EPB41: variants seen among roughly 807,000 people sequenced by gnomAD.
EPB41 encodes the protein erythrocyte membrane protein band 4.1, also known as protein 4.1.
A neutral mutation model predicts 108.0 loss-of-function variants in EPB41; 65 were observed. The ratio of observed to expected loss-of-function variants is 0.60; its 90% CI spans 0.49 to 0.74. The LOEUF is 0.74. EPB41 is among the 30% of genes least tolerant of loss of function. The pLI, the probability that EPB41 is intolerant of heterozygous loss-of-function variation, is 0.00. For synonymous variants in EPB41, 336 were observed against 358.9 expected, an observed-to-expected ratio of 0.94 and a Z score of 0.72; for missense variants, 875 against 1,037.0, an observed-to-expected ratio of 0.84 and a Z score of 2.15.
intron 1 of EPB41, among the ~76,000 whole-genome samples, chr1:28,946,145 TA>T (rs148103888): frequency 1.1e-4 from 17 of 148,692 alleles, no homozygotes; most frequent in South Asian, 2.1e-4. Context: ...TCCTTTTTAC[TA>T]AAAAAAAAAT....
At chr1:28,915,909 T>A (rs1203072722) in intron 1 of EPB41, among the ~76,000 whole-genome samples, 1 of 152,156 alleles carries the variant, frequency 6.6e-6, no homozygotes, top group African/African-American at 2.4e-5. Flanking sequence ...TGTTGTTTTC[T>A]GTATTCTCAG....
intron 1 of EPB41, among the ~76,000 whole-genome samples, chr1:28,903,255 ATACT>A (rs1463867294): frequency 1.3e-5 from 2 of 151,804 alleles, no homozygotes; most frequent in Admixed American, 1.3e-4. Context: ...TCTAACTCTG[ATACT>A]TACTAGCTGG....
At chr1:28,902,057 A>C (rs780544373) in intron 1 of EPB41, among the ~76,000 whole-genome samples, 4 of 152,234 alleles carry the variant, frequency 2.6e-5, no homozygotes, top group Non-Finnish European at 4.4e-5. Flanking sequence ...GGTGCATAGG[A>C]AGTGCTCAGT....
chr1:28,888,632 C>CT (rs892444648), intron 1 of EPB41, among the ~76,000 whole-genome samples: 11 of 152,228 alleles, frequency 7.2e-5, no homozygotes, highest in African/African-American at 2.4e-4. Context: ...ATTATTTCTT[C>CT]TTTTTTTTCT....
intron 12 of EPB41, chr1:29,053,741 A>G (rs1644902536): frequency 5.7e-6 from 1 of 176,652 alleles, no homozygotes; most frequent in African/African-American, 2.4e-5. Flanking sequence ...TTGTATTTTT[A>G]GTAGAGACGG....
At chr1:28,931,198 A>G (rs554486262) in intron 1 of EPB41, among the ~76,000 whole-genome samples, 1 of 152,094 alleles carries the variant, frequency 6.6e-6, no homozygotes, top group South Asian at 2.1e-4. Flanking sequence ...CAGGAGTTTC[A>G]TACTAGCCAG....
Position 28,954,317 on chromosome 1 carries a change from C to T in EPB41, c.-7-33114C>T, listed in dbSNP as rs182850542. On this transcript the variant is annotated intron_variant, in intron 1 of 20. Coordinates refer to ENST00000343067, the MANE Select transcript of EPB41 (RefSeq NM_001376013.1). Reference sequence around the variant, plus strand: ...GTGCTAAATAACAAAGAGCTATTGGCACCTGTCCTGGAAAATCAGTATTAA... The same window carrying T: ...GTGCTAAATAACAAAGAGCTATTGGTACCTGTCCTGGAAAATCAGTATTAA... Among the ~76,000 whole-genome samples, 430 of 152,344 alleles carry T rather than the reference C, an allele frequency of 2.8e-3. 1 individual carries two copies. The highest frequency in any genetic ancestry group is 5.1e-3 in the Non-Finnish European group (349 of 68,024).
At chr1:28,939,470 C>T (rs1164129861) in intron 1 of EPB41, among the ~76,000 whole-genome samples, 3 of 151,516 alleles carry the variant, frequency 2.0e-5, no homozygotes, top group Non-Finnish European at 2.9e-5. Flanking sequence ...TTTTTTGAGA[C>T]GGAGTCTCAG....
chr1:28,926,183 TA>T (rs5773225), intron 1 of EPB41, among the ~76,000 whole-genome samples: 131,778 of 147,216 alleles, frequency 0.9, 59,029 homozygotes, highest in East Asian at 0.99. Flanking sequence ...CCATCTCTAC[TA>T]AAAAAAAAAA....
chr1:29,053,484 A>C, intron 12 of EPB41, 172 bp downstream of exon 12: 1 of 755,294 alleles, frequency 1.3e-6, no homozygotes, highest in Non-Finnish European at 2.3e-6. Context: ...ATTTTCGTAG[A>C]GTTATGTCAG....
chr1:28,934,666 T>TGTGTGTG, intron 1 of EPB41, among the ~76,000 whole-genome samples: 1 of 136,400 alleles, frequency 7.3e-6, no homozygotes, highest in South Asian at 2.4e-4. Context: ...TCTTTTGACA[T>TGTGTGTG]TGTGTGTGTG....
chr1:28,891,115 G>T, intron 1 of EPB41: 1 of 448,672 alleles, frequency 2.2e-6, no homozygotes, highest in Non-Finnish European at 2.9e-6. Flanking sequence ...CCAGGTGCAA[G>T]ACTGGGCACT....
At chr1:29,036,261 T>C (rs1000572028) in intron 10 of EPB41, among the ~76,000 whole-genome samples, 4 of 149,444 alleles carry the variant, frequency 2.7e-5, no homozygotes, top group Non-Finnish European at 5.9e-5. Flanking sequence ...GTGATTTTTT[T>C]TTTTTTTTTT....
intron 1 of EPB41, among the ~76,000 whole-genome samples, chr1:28,930,348 T>A (rs1017626777): frequency 2.6e-5 from 4 of 151,296 alleles, no homozygotes; most frequent in African/African-American, 7.3e-5. Context: ...TTTTTTTTTT[T>A]ATAGAAACGG....
intron 15 of EPB41, among the ~76,000 whole-genome samples, chr1:29,064,403 A>C (rs2150997111): frequency 6.6e-6 from 1 of 152,346 alleles, no homozygotes; most frequent in South Asian, 2.1e-4. Context: ...ACATCAAAAA[A>C]GGGCTATTCT....
intron 1 of EPB41, among the ~76,000 whole-genome samples, chr1:28,942,138 A>G (rs1024605756): frequency 6.6e-6 from 1 of 152,210 alleles, no homozygotes; most frequent in African/African-American, 2.4e-5. Flanking sequence ...TCACATAGTC[A>G]TCACAGCACT....
intron 4 of EPB41, among the ~76,000 whole-genome samples, chr1:29,002,578 A>G (rs2096318129): frequency 6.6e-6 from 1 of 152,182 alleles, no homozygotes; most frequent in African/African-American, 2.4e-5. Context: ...TTCGGGTTGA[A>G]TATTCTACCT....
At position 29,058,607 on chromosome 1, in the gene EPB41, G is replaced by T; in HGVS notation, c.1864G>T (p.Glu622Ter). 1 of 1,613,676 alleles carries T rather than the reference G, an allele frequency of 6.2e-7. No individual in the cohort carries two copies. Among genetic ancestry groups the T allele is most frequent in the Non-Finnish European group, 8.5e-7 (1 of 1,179,784 alleles). ...AATGTAGGTGGAAAAAACCCACATC[G>T]AGGTGACAGTACCCACCTCAAATGG... Reference protein sequence around the residue: ...EAWKVEKTHIEVTVPTSNGDQ... With the variant: ...EAWKVEKTHI The change falls in exon 13 of 21, where the codon GAG (glutamate) becomes TAG (stop). Residue 622 changes from glutamate to a stop codon, truncating the protein, a stop_gained. Transcript: ENST00000343067. LOFTEE classifies it high-confidence loss of function.
At chr1:28,967,136 A>C (rs921457284) in intron 1 of EPB41, among the ~76,000 whole-genome samples, 3 of 145,838 alleles carry the variant, frequency 2.1e-5, no homozygotes, top group African/African-American at 7.7e-5. Context: ...CTCCTGCCTC[A>C]GCCTCCTGAG....
Sources: gnomAD v4.1 joint callset for allele counts (sites outside exome capture counted in the v4.1 genomes callset) on GRCh38, gnomAD v4.1.1 for gene constraint, MANE v1.5 for transcripts, NCBI Gene and HGNC (gene_info 2026-07-23, HGNC 2026-07-21) for gene names.